SESTD1: variants seen among roughly 807,000 people sequenced by gnomAD.
SESTD1 encodes the protein SEC14 domain and spectrin repeat-containing protein 1.
Under a neutral mutation model 101.7 loss-of-function variants are expected in SESTD1, and 43 were observed. That is an observed-to-expected ratio of 0.42 (90% CI 0.33 to 0.55). SESTD1 has a LOEUF of 0.55. Ranked by LOEUF, SESTD1 falls within the 20% of genes least tolerant of loss-of-function variation. The pLI, the probability that SESTD1 is intolerant of heterozygous loss-of-function variation, is 0.07. For synonymous variants in SESTD1, 283 were observed against 286.8 expected, an observed-to-expected ratio of 0.99 and a Z score of 0.13; for missense variants, 647 against 815.1, an observed-to-expected ratio of 0.79 and a Z score of 2.51.
intron 1 of SESTD1, among the ~76,000 whole-genome samples, chr2:179,202,823 T>G (rs756501617): frequency 1.5e-5 from 2 of 135,352 alleles, no homozygotes; most frequent in East Asian, 4.0e-4. Context: ...CATCTTGACA[T>G]GCTTCCCCTC....
intron 14 of SESTD1, 86 bp from the exon 15 acceptor site, chr2:179,116,876 A>G (rs2044644748): frequency 3.3e-6 from 5 of 1,492,828 alleles, no homozygotes; most frequent in Admixed American, 2.1e-5. Context: ...GATTACTATC[A>G]TGTGATTAAT....
rs553148289 is a variant in SESTD1, at chr2:179,143,239, C to T, written c.849+353G>A. Among the ~76,000 whole-genome samples, 4 of 151,728 alleles carry T rather than the reference C, an allele frequency of 2.6e-5. No individual in the cohort carries two copies. The East Asian group carries it at 7.7e-4, about 29-fold the overall frequency. ...AGGATAGAAATACTCTTTGTAATAC[C>T]TAAATTAACCAAAAAACTAAGTTAT... On this transcript the variant is annotated intron_variant, in intron 9 of 17. Transcript: ENST00000428443.
intron 5 of SESTD1, among the ~76,000 whole-genome samples, chr2:179,160,831 T>C (rs1276302782): frequency 6.6e-6 from 1 of 152,102 alleles, no homozygotes; most frequent in Admixed American, 6.5e-5. Flanking sequence ...CATAATGAAG[T>C]AGTATATATA....
chr2:179,199,359 T>G (rs548421157), intron 1 of SESTD1, among the ~76,000 whole-genome samples: 1 of 152,164 alleles, frequency 6.6e-6, no homozygotes, highest in South Asian at 2.1e-4. Flanking sequence ...GATTCACAGC[T>G]GAATTCTACC....
At chr2:179,258,235 TAA>T (rs1225901095) in intron 1 of SESTD1, among the ~76,000 whole-genome samples, 1 of 152,198 alleles carries the variant, frequency 6.6e-6, no homozygotes, top group East Asian at 1.9e-4. Flanking sequence ...TTATCTAACC[TAA>T]ACTCAGTAAT....
At chr2:179,240,728 T>C (rs1429472164) in intron 1 of SESTD1, among the ~76,000 whole-genome samples, 1 of 152,132 alleles carries the variant, frequency 6.6e-6, no homozygotes, top group African/African-American at 2.4e-5. Context: ...GCCTAGACTT[T>C]CATTCTTGAA....
At chr2:179,192,492 C>T (rs926056749) in intron 1 of SESTD1, among the ~76,000 whole-genome samples, 4 of 152,138 alleles carry the variant, frequency 2.6e-5, no homozygotes, top group Non-Finnish European at 1.5e-5. Flanking sequence ...CTACATTTTA[C>T]AGTTTTTAAT....
rs1051428216 is a variant in SESTD1, at chr2:179,151,865, T to C, written c.370-474A>G. Among the ~76,000 whole-genome samples, 5 of 152,136 alleles carry C rather than the reference T, an allele frequency of 3.3e-5. No homozygotes were observed. The East Asian group carries it at 9.6e-4, about 29-fold the overall frequency. On this transcript the variant is annotated intron_variant, in intron 5 of 17. Transcript: ENST00000428443. Reference sequence around the variant, plus strand: ...CAAAACAAGTCCTCCGGTTGTAGAGTATAACCCACAATAACGTATGCCAAT... The same window carrying C: ...CAAAACAAGTCCTCCGGTTGTAGAGCATAACCCACAATAACGTATGCCAAT...
rs768183198 is a variant in SESTD1, at chr2:179,143,559, A to G, written c.849+33T>C. 8 of 1,586,492 alleles carry G rather than the reference A, an allele frequency of 5.0e-6. No homozygotes were observed. In the Admixed American group the frequency reaches 1.2e-4, roughly 23 times the overall value. ...CATAGTAGAAATTATAAGGAATTAA[A>G]AAGAGTTAAATATATTCAAATCAGA... On this transcript the variant is annotated intron_variant, in intron 9 of 17. Coordinates refer to ENST00000428443, the MANE Select transcript of SESTD1 (RefSeq NM_178123.5).
At chr2:179,126,881 C>T (rs1471699181) in intron 10 of SESTD1, among the ~76,000 whole-genome samples, 1 of 152,158 alleles carries the variant, frequency 6.6e-6, no homozygotes, top group African/African-American at 2.4e-5. Context: ...GTCTTGCTGG[C>T]TCAACCTCAT....
chr2:179,185,655 GCA>G (rs2046207724), intron 2 of SESTD1, among the ~76,000 whole-genome samples: 2 of 75,454 alleles, frequency 2.7e-5, no homozygotes, highest in Non-Finnish European at 5.5e-5. Context: ...ATACAATATA[GCA>G]TATACAATAT....
rs189513324 is a variant in SESTD1, at chr2:179,141,292, G to T, written c.849+2300C>A. ...GCAACACCATTATCTTGCAAACTAG[G>T]ACACCAAGTCTTACAAGTCAGAAAT... is the stretch of plus-strand genomic sequence containing the variant. On this transcript the variant is annotated intron_variant, in intron 9 of 17. Coordinates refer to ENST00000428443, the MANE Select transcript of SESTD1 (RefSeq NM_178123.5). 1.0e-3 allele frequency among the ~76,000 whole-genome samples: 158 copies of T among 152,132 alleles called. 2 individuals are homozygous for T. The highest frequency in any genetic ancestry group is 2.6e-3 in the Admixed American group (39 of 15,270).
At position 179,246,692 on chromosome 2, in the gene SESTD1, T is replaced by C. The variant is rs114087197; in HGVS notation, c.-26+17807A>G. Among the ~76,000 whole-genome samples, 515 of 152,288 alleles carry C rather than the reference T, an allele frequency of 3.4e-3. 6 individuals are homozygous for C. The highest frequency in any genetic ancestry group is 0.012 in the African/African-American group (489 of 41,564). The stretch of plus-strand genomic sequence containing the variant: ...CAGACTAAGATAGATCAAACCAAGA[T>C]AGACCTGAGCAATAAAGCAAATCTC... On this transcript the variant is annotated intron_variant, in intron 1 of 17. Coordinates refer to ENST00000428443, the MANE Select transcript of SESTD1 (RefSeq NM_178123.5).
intron 5 of SESTD1, among the ~76,000 whole-genome samples, chr2:179,153,043 T>C (rs2045559451): frequency 6.6e-6 from 1 of 152,080 alleles, no homozygotes. Context: ...TACAAATAAA[T>C]AATGGTAACA....
chr2:179,123,934 G>C, intron 11 of SESTD1, 105 bp from the exon 12 acceptor site: 1 of 780,984 alleles, frequency 1.3e-6, no homozygotes, highest in African/African-American at 1.7e-5. Context: ...AATTACACTT[G>C]AAAAGACTAC....
Position 179,145,320 on chromosome 2 carries a change from G to C in SESTD1, c.637+1082C>G, listed in dbSNP as rs151082337. 5.3e-5 allele frequency among the ~76,000 whole-genome samples: 8 copies of C among 152,240 alleles called. 1 individual carries two copies. Among genetic ancestry groups the C allele is most frequent in the African/African-American group, 1.9e-4 (8 of 41,532 alleles). On this transcript the variant is annotated intron_variant, in intron 8 of 17. Coordinates refer to ENST00000428443, the MANE Select transcript of SESTD1 (RefSeq NM_178123.5). ...TTGAAATCAAACTGCCTAGGTTCAAGTCCCAGCTCCAGCATTTACTAGCTG... is the reference window on the plus strand; with the variant it reads ...TTGAAATCAAACTGCCTAGGTTCAACTCCCAGCTCCAGCATTTACTAGCTG...
At chr2:179,233,213 C>A (rs561509837) in intron 1 of SESTD1, among the ~76,000 whole-genome samples, 136 of 152,232 alleles carry the variant, frequency 8.9e-4, no homozygotes, top group African/African-American at 3.2e-3. Context: ...CAAAAGAGAA[C>A]CGTAAGTAAA....
At chr2:179,198,209 A>G (rs1019848505) in intron 1 of SESTD1, among the ~76,000 whole-genome samples, 8 of 152,224 alleles carry the variant, frequency 5.3e-5, no homozygotes, top group Non-Finnish European at 8.8e-5. Flanking sequence ...AAAAGAGACA[A>G]GGCCATTACA....
intron 1 of SESTD1, among the ~76,000 whole-genome samples, chr2:179,246,787 A>G (rs1468293092): frequency 1.3e-5 from 2 of 152,248 alleles, no homozygotes; most frequent in Non-Finnish European, 2.9e-5. Context: ...CTAGAAATCA[A>G]TAACAGAAAG....
Sources: allele counts gnomAD v4.1 joint callset (sites outside exome capture counted in the v4.1 genomes callset), GRCh38; gene constraint gnomAD v4.1.1; transcripts MANE v1.5; gene names NCBI Gene and HGNC (gene_info 2026-07-23, HGNC 2026-07-21).